Variants in TAFA2 observed in about 807,000 individuals in gnomAD.
TAFA2 encodes the protein TAFA chemokine like family member 2, also known as chemokine-like protein TAFA-2.
TAFA2 carries 7 observed loss-of-function variants against 18.8 expected under a neutral mutation model. That is an observed-to-expected ratio of 0.37 (90% CI 0.21 to 0.70). The LOEUF (loss-of-function observed/expected upper bound fraction) is 0.70. TAFA2 is among the 30% of genes least tolerant of loss of function. TAFA2 has a pLI of 0.53. For missense variants in TAFA2, 122 were observed against 158.1 expected (o/e 0.77, Z 1.23); for synonymous variants, 60 against 54.2 (o/e 1.11, Z -0.47).
chr12:62,161,859 G>C (rs1592374910), intron 1 of TAFA2, among the ~76,000 whole-genome samples: 1 of 152,068 alleles, frequency 6.6e-6, no homozygotes, highest in Non-Finnish European at 1.5e-5. Context: ...AGTGTTTGGG[G>C]TCTTTATTTA....
intron 1 of TAFA2, among the ~76,000 whole-genome samples, chr12:62,124,802 T>G (rs1291556409): frequency 6.6e-6 from 1 of 152,126 alleles, no homozygotes; most frequent in Non-Finnish European, 1.5e-5. Flanking sequence ...GGCTTAGAAA[T>G]TCCAGTACAG....
rs111351619 is a variant in TAFA2 at position 62,181,995 on chromosome 12, C to CA, written c.-2+9263_-2+9264insT. ...TTCATCTTTTCTCAAGTCCATCCCC[C>CA]CCCCGCTACACATAGTAGCTACTCA... On this transcript the variant is annotated intron_variant, in intron 1 of 4. Coordinates refer to ENST00000416284, the MANE Select transcript of TAFA2 (RefSeq NM_178539.5). 1.6e-3 allele frequency among the ~76,000 whole-genome samples: 243 copies of CA among 149,474 alleles called. 2 individuals carry two copies. The East Asian group carries it at 0.043, about 27-fold the overall frequency.
chr12:61,733,051 G>T (rs1203296543), intron 4 of TAFA2, among the ~76,000 whole-genome samples: 1 of 151,838 alleles, frequency 6.6e-6, no homozygotes, highest in Non-Finnish European at 1.5e-5. Flanking sequence ...GCTTTTAGGG[G>T]GTTCTGAAAG....
chr12:61,729,036 T>TC (rs1291643966), intron 4 of TAFA2, among the ~76,000 whole-genome samples: 2 of 151,756 alleles, frequency 1.3e-5, no homozygotes, highest in Admixed American at 1.3e-4. Context: ...TTGGCTGATT[T>TC]TTTTTTTCAT....
chr12:61,806,957 G>A (rs953795096), intron 2 of TAFA2, among the ~76,000 whole-genome samples: 1 of 152,144 alleles, frequency 6.6e-6, no homozygotes, highest in African/African-American at 2.4e-5. Context: ...ATAAAAGTTT[G>A]CAAAATTTGT....
intron 1 of TAFA2, among the ~76,000 whole-genome samples, chr12:62,174,781 CATTTTGAATACGAAT>C (rs1459722857): frequency 6.6e-6 from 1 of 152,202 alleles, no homozygotes; most frequent in Non-Finnish European, 1.5e-5. Context: ...AAATCTTCCT[CATTTTGAATACGAAT>C]ATTTCTCCTT....
intron 1 of TAFA2, among the ~76,000 whole-genome samples, chr12:62,081,023 T>A (rs1445701732): frequency 6.6e-6 from 1 of 152,068 alleles, no homozygotes; most frequent in Admixed American, 6.5e-5. Context: ...TGAAACCCTG[T>A]CTCTACGAAA....
intron 1 of TAFA2, among the ~76,000 whole-genome samples, chr12:62,247,370 G>A (rs557889043): frequency 6.6e-6 from 1 of 152,268 alleles, no homozygotes; most frequent in East Asian, 1.9e-4. Context: ...AGGTCAGTGA[G>A]AGCACTCTAA....
chr12:61,896,961 T>C (rs11174225), intron 1 of TAFA2, among the ~76,000 whole-genome samples: 41,601 of 152,050 alleles, frequency 0.27, 6,128 homozygotes, highest in East Asian at 0.45. Flanking sequence ...CTTATCTCTA[T>C]TGAGGGTCCA....
chr12:62,165,752 G>A (rs545247487), intron 1 of TAFA2, among the ~76,000 whole-genome samples: 100 of 151,968 alleles, frequency 6.6e-4, no homozygotes, highest in African/African-American at 2.3e-3. Flanking sequence ...CATCAGTTCA[G>A]TTTCTCACCA....
intron 1 of TAFA2, among the ~76,000 whole-genome samples, chr12:61,899,494 C>A (rs1421478137): frequency 6.6e-6 from 1 of 152,078 alleles, no homozygotes; most frequent in Non-Finnish European, 1.5e-5. Context: ...TGGCAGCAGG[C>A]AAGAGAGAGG....
In TAFA2 at chr12:61,710,081, A is replaced by G. The variant is rs868286386; in HGVS notation, c.*325T>C. ...AGAAAAGTAGTCACATCTGGAGCCA[A>G]TAACTCAAAAGGTGACTGTCTCTAA... On this transcript the variant is annotated 3_prime_UTR_variant, in exon 5 of 5. Coordinates refer to ENST00000416284, the MANE Select transcript of TAFA2 (RefSeq NM_178539.5). 8 of 322,156 alleles carry G rather than the reference A, an allele frequency of 2.5e-5. No individual in the cohort carries two copies. The highest frequency in any genetic ancestry group is 1.7e-4 in the African/African-American group (8 of 46,276). 20.0% of individuals were successfully genotyped at this position (322,156 alleles called of 1,614,324 possible).
At chr12:61,814,125 C>A (rs1871983112) in intron 2 of TAFA2, among the ~76,000 whole-genome samples, 1 of 151,380 alleles carries the variant, frequency 6.6e-6, no homozygotes, top group Non-Finnish European at 1.5e-5. Context: ...AATAATATCT[C>A]TTTTGCAGTA....
chr12:61,713,222 A>T (rs1424671278), intron 4 of TAFA2, among the ~76,000 whole-genome samples: 2 of 152,154 alleles, frequency 1.3e-5, no homozygotes, highest in Non-Finnish European at 2.9e-5. Flanking sequence ...CCAACTGTTC[A>T]AACTGTGTTC....
At chr12:62,022,942 G>T (rs1881193811) in intron 1 of TAFA2, among the ~76,000 whole-genome samples, 2 of 151,430 alleles carry the variant, frequency 1.3e-5, no homozygotes, top group South Asian at 4.1e-4. Flanking sequence ...CACAGTCACT[G>T]TTTCCCCCTC....
chr12:62,103,631 C>T (rs750047036), intron 1 of TAFA2, among the ~76,000 whole-genome samples: 2 of 152,052 alleles, frequency 1.3e-5, no homozygotes, highest in African/African-American at 2.4e-5. Context: ...GTCCCAGCTA[C>T]TCGGGAGCCT....
At chr12:62,227,314 G>T (rs576769352) in intron 1 of TAFA2, among the ~76,000 whole-genome samples, 1 of 152,256 alleles carries the variant, frequency 6.6e-6, no homozygotes, top group East Asian at 1.9e-4. Context: ...GAACTTCCTG[G>T]TCGGAGTAAG....
intron 1 of TAFA2, among the ~76,000 whole-genome samples, chr12:62,189,759 G>A (rs548289916): frequency 4.6e-5 from 7 of 152,224 alleles, no homozygotes; most frequent in African/African-American, 1.4e-4. Flanking sequence ...AGCAGTTTAG[G>A]AGTGTTAATT....
At chr12:62,145,408 G>A (rs9738424) in intron 1 of TAFA2, among the ~76,000 whole-genome samples, 24,040 of 152,230 alleles carry the variant, frequency 0.16, 1,982 homozygotes, top group Middle Eastern at 0.19. Flanking sequence ...ACTAATGCCT[G>A]ATGATGTGAG....
Sources: gnomAD v4.1 joint callset for allele counts (sites outside exome capture counted in the v4.1 genomes callset) on GRCh38, gnomAD v4.1.1 for gene constraint, MANE v1.5 for transcripts, NCBI Gene and HGNC (gene_info 2026-07-23, HGNC 2026-07-21) for gene names.